Variants in EMC1 observed in about 807,000 individuals in gnomAD.
EMC1 encodes the protein KIAA0090.
Under a neutral mutation model 128.8 loss-of-function variants are expected in EMC1, and 103 were observed. That is an observed-to-expected ratio of 0.80 (90% CI 0.68 to 0.94). The LOEUF (loss-of-function observed/expected upper bound fraction) is 0.94. EMC1 is among the 40% of genes least tolerant of loss of function. The probability of loss-of-function intolerance (pLI) is 0.00; values close to 1 mark genes in which losing one functional copy is unlikely to be tolerated. For synonymous variants in EMC1, 442 were observed against 490.4 expected, an observed-to-expected ratio of 0.90 and a Z score of 1.30; for missense variants, 1,083 against 1,250.6, an observed-to-expected ratio of 0.87 and a Z score of 2.02.
intron 17 of EMC1, among the ~76,000 whole-genome samples, chr1:19,230,040 C>T (rs184111293): frequency 1.3e-5 from 2 of 152,324 alleles, no homozygotes; most frequent in East Asian, 3.9e-4. Flanking sequence ...GCCAGCCCCT[C>T]GTGAACTTCA....
chr1:19,229,806 A>C (rs2093506185), intron 17 of EMC1, among the ~76,000 whole-genome samples: 1 of 152,220 alleles, frequency 6.6e-6, no homozygotes, highest in Non-Finnish European at 1.5e-5. Context: ...GAATTCTCAC[A>C]ACAACCTTAT....
rs144675935 is a variant in EMC1 at position 19,238,120 on chromosome 1, T to C, written c.1109A>G (p.Asn370Ser). 9.7e-5 allele frequency: 156 copies of C among 1,613,372 alleles called. No individual in the cohort carries two copies. The highest frequency in any genetic ancestry group is 3.1e-4 in the African/African-American group (23 of 74,688). Residue 370 changes from asparagine (N) to serine (S), a missense_variant, in exon 11 of 23, where the codon AAT (asparagine) becomes AGT (serine). By Grantham distance (46) the Asn-to-Ser change is conservative. Around this residue, in one of 3 missense-constraint regions of EMC1, gnomAD observed 544 missense variants for 572.4 expected, o/e 0.95. Transcript: ENST00000477853. ...SSSKDSLACFNQTYTINLYLV... is the reference protein window; with the variant it reads ...SSSKDSLACFSQTYTINLYLV... The stretch of plus-strand genomic sequence containing the variant: ...GTATAGGTTAATGGTGTAGGTCTGA[T>C]TGAAGCAAGCCAGAGAGTCCTAGGA...
chr1:19,239,649 C>A, intron 8 of EMC1, 169 bp downstream of exon 8: 1 of 647,530 alleles, frequency 1.5e-6, no homozygotes. Flanking sequence ...GGAGGAAATA[C>A]ACCATTTCTA....
chr1:19,237,742 G>A (rs1395454031), intron 11 of EMC1, among the ~76,000 whole-genome samples: 1 of 152,206 alleles, frequency 6.6e-6, no homozygotes, highest in Non-Finnish European at 1.5e-5. Context: ...TTTAAAACCA[G>A]GTCAGGAACA....
Position 19,222,627 on chromosome 1 carries a change from G to A in EMC1, c.2584C>T (p.Leu862=), listed in dbSNP as rs760208894. The A allele has an allele frequency of 1.4e-5, 23 of 1,613,356 alleles. No individual in the cohort carries two copies. In the African/African-American group the frequency reaches 1.5e-4, roughly 10 times the overall value. Residue 862 remains leucine (L), a synonymous_variant, in exon 20 of 23, where the codon CTG becomes TTG. Transcript: ENST00000477853. ...CAGAGGCTCCCCAGTCACTCACTCA[G>A]CAGGTGTCGGCTGGTGATGCCCCGT... ...TERGITSRHL[L]IGLPSGAILS... is the part of the protein sequence containing the mutation.
chr1:19,250,469 T>TTTAATGATGTCA (rs1351403116), intron 1 of EMC1, among the ~76,000 whole-genome samples: 7 of 152,190 alleles, frequency 4.6e-5, no homozygotes, highest in African/African-American at 1.4e-4. Flanking sequence ...TGTGAACAGT[T>TTTAATGATGTCA]GTGCACATCA....
Position 19,251,447 on chromosome 1 carries a change from C to A in EMC1, c.63G>T (p.Ala21=). 1 of 1,614,152 alleles carries A rather than the reference C, an allele frequency of 6.2e-7. No homozygotes were observed. Among genetic ancestry groups the A allele is most frequent in the Non-Finnish European group, 8.5e-7 (1 of 1,180,036 alleles). Residue 21 remains alanine, a synonymous_variant, in exon 1 of 23, where the codon GCG becomes GCT. Transcript: ENST00000477853. ...ACTTGCCCACTTGGTCTTCGTAGAC[C>A]GCGGCCGCAGGAATCAGCAGCGTAG... is the stretch of plus-strand genomic sequence containing the variant. ...LWATLLIPAA[A]VYEDQVGKFD...
Position 19,230,933 on chromosome 1 carries a change from A to G in EMC1, c.1975T>C (p.Leu659=). Residue 659 remains leucine (L), a synonymous_variant, in exon 17 of 23, where the codon TTG becomes CTG. Transcript: ENST00000477853. ...GGGGCAAGCTCATGTAGCTGTCGCA[A>G]GACATTCCGAGTGGCTGGAAAAGCT... The part of the protein sequence containing the change: ...VTAFPATRNV[L]RQLHELAPSI... 6.2e-7 allele frequency: 1 copy of G among 1,614,230 alleles called. No individual in the cohort carries two copies. Among genetic ancestry groups the G allele is most frequent in the Non-Finnish European group, 8.5e-7 (1 of 1,180,040 alleles).
intron 1 of EMC1, among the ~76,000 whole-genome samples, chr1:19,249,494 AG>A (rs2093647333): frequency 6.6e-6 from 1 of 152,228 alleles, no homozygotes; most frequent in East Asian, 1.9e-4. Context: ...TGTACCATAT[AG>A]CCTAGGTGTG....
At chr1:19,236,372 AAG>A (rs2093563497) in intron 12 of EMC1, among the ~76,000 whole-genome samples, 1 of 150,092 alleles carries the variant, frequency 6.7e-6, no homozygotes, top group Non-Finnish European at 1.5e-5. Context: ...AAAAGAAAAA[AAG>A]AGCCAGGCAC....
intron 12 of EMC1, among the ~76,000 whole-genome samples, chr1:19,235,933 C>T (rs777896736): frequency 6.6e-6 from 1 of 151,964 alleles, no homozygotes; most frequent in Non-Finnish European, 1.5e-5. Flanking sequence ...GCCTGTCTCC[C>T]AGATTTTCTA....
chr1:19,232,548 C>T lies in EMC1; in HGVS notation c.1782+76G>A, dbSNP rs1021948834. ...TCATTAACTCACACAATTCCAAGGG[C>T]CTAGGAGCAATTTAAGTTACAAAAT... On this transcript the variant is annotated intron_variant, in intron 15 of 22. Coordinates refer to ENST00000477853, the MANE Select transcript of EMC1 (RefSeq NM_015047.3). 3.2e-6 allele frequency: 5 copies of T among 1,541,700 alleles called. No homozygotes were observed. The East Asian group carries it at 1.1e-4, about 35-fold the overall frequency.
intron 11 of EMC1, among the ~76,000 whole-genome samples, chr1:19,237,584 A>G (rs914966333): frequency 3.3e-5 from 5 of 152,130 alleles, no homozygotes; most frequent in Admixed American, 2.6e-4. Flanking sequence ...CAGCTGAGGA[A>G]CACAACCAGA....
At chr1:19,250,467 G>C (rs2093653622) in intron 1 of EMC1, among the ~76,000 whole-genome samples, 1 of 152,088 alleles carries the variant, frequency 6.6e-6, no homozygotes, top group African/African-American at 2.4e-5. Flanking sequence ...ATTGTGAACA[G>C]TTGTGCACAT....
chr1:19,230,906 A>G lies in EMC1; in HGVS notation c.2002T>C (p.Ser668Pro), dbSNP rs1455196119. 9.3e-6 allele frequency: 15 copies of G among 1,614,084 alleles called. No individual in the cohort carries two copies. Among genetic ancestry groups the G allele is most frequent in the Non-Finnish European group, 1.3e-5 (15 of 1,180,038 alleles). Residue 668 changes from serine (S) to proline (P), a missense_variant, in exon 17 of 23, where the codon TCC becomes CCC. This residue lies in a region of EMC1 where 527 missense variants were observed against 644.1 expected (regional missense o/e 0.82). Coordinates refer to ENST00000477853, the MANE Select transcript of EMC1 (RefSeq NM_015047.3). ...GCATCCACCAAATAGAAGAAGATGG[A>G]AGGGGCAAGCTCATGTAGCTGTCGC... The part of the protein sequence containing the change: ...VLRQLHELAP[S>P]IFFYLVDAEQ...
At chr1:19,241,203 G>A (rs769934790) in intron 5 of EMC1, 61 bp from the exon 6 acceptor site, 3 of 1,586,306 alleles carry the variant, frequency 1.9e-6, no homozygotes, top group South Asian at 1.1e-5. Flanking sequence ...ATTATCCTCA[G>A]GGGCTGCCAG....
At chr1:19,232,199 C>A (rs372002047) in intron 15 of EMC1, among the ~76,000 whole-genome samples, 1 of 152,114 alleles carries the variant, frequency 6.6e-6, no homozygotes. Context: ...GAGGTGGAGG[C>A]TGCAGTGAGC....
In EMC1 at chr1:19,217,853, CAATT is replaced by C. The variant is rs1179265452; in HGVS notation, c.*1446_*1449del. Reference sequence around the variant, plus strand: ...ATTCAGTCACTCAATATCAAACTGACAATTAATAAAATGGTTGTCATTTCCTCTT... The same window carrying C: ...ATTCAGTCACTCAATATCAAACTGACAATAAAATGGTTGTCATTTCCTCTT... On this transcript the variant is annotated 3_prime_UTR_variant, in exon 23 of 23. Coordinates refer to ENST00000477853, the MANE Select transcript of EMC1 (RefSeq NM_015047.3). 2.0e-5 allele frequency: 3 copies of C among 152,138 alleles called. No homozygotes were observed. Among genetic ancestry groups the C allele is most frequent in the Non-Finnish European group, 2.9e-5 (2 of 68,032 alleles). The allele number at this position is 152,138 out of a possible 1,614,324, so 9.4% of individuals were successfully genotyped here.
At position 19,219,586 on chromosome 1, in the gene EMC1, G is replaced by A; in HGVS notation, c.2785C>T (p.Leu929=). Residue 929 remains leucine (L), a synonymous_variant, in exon 22 of 23, where the codon CTG becomes TTG. Transcript: ENST00000477853. ...CTACTCACCAAACAAGTGGACTCCA[G>A]ACCCGAGGGAGCTGTGTAGATACCT... ...MRGIYTAPSG[L]ESTCLVVAYG... 1 of 1,614,126 alleles carries A rather than the reference G, an allele frequency of 6.2e-7. No homozygotes were observed. The highest frequency in any genetic ancestry group is 1.1e-5 in the South Asian group (1 of 91,080).
Sources: gnomAD v4.1 joint callset for allele counts (sites outside exome capture counted in the v4.1 genomes callset) on GRCh38, gnomAD v4.1.1 for gene constraint, gnomAD v4.1.1 regional missense constraint, MANE v1.5 for transcripts, NCBI Gene and HGNC (gene_info 2026-07-23, HGNC 2026-07-21) for gene names.